DPYSL2: variants seen among roughly 807,000 people sequenced by gnomAD.
DPYSL2 encodes the protein dihydropyrimidinase like 2.
DPYSL2 carries 13 observed loss-of-function variants against 69.9 expected under a neutral mutation model. That is an observed-to-expected ratio of 0.19 (90% CI 0.12 to 0.30). DPYSL2 has a LOEUF of 0.30. Among genes scored for constraint, DPYSL2 ranks in the 10% least tolerant of loss-of-function variants. The pLI is 1.00. For missense variants in DPYSL2, 587 were observed against 918.9 expected (o/e 0.64, Z 4.67); for synonymous variants, 326 against 359.1 (o/e 0.91, Z 1.04).
chr8:26,529,272 CT>C (rs1368875566), intron 1 of DPYSL2, among the ~76,000 whole-genome samples: 37 of 147,700 alleles, frequency 2.5e-4, no homozygotes, highest in African/African-American at 8.8e-4. Context: ...ATCTATCTAT[CT>C]ATCATCTATC....
chr8:26,522,379 G>C (rs766448965), intron 1 of DPYSL2, among the ~76,000 whole-genome samples: 66 of 152,220 alleles, frequency 4.3e-4, no homozygotes, highest in African/African-American at 1.5e-3. Flanking sequence ...AAGTAGAATT[G>C]CTGGTCATGT....
rs775713114 is a variant in DPYSL2, at chr8:26,610,594, G to A, written c.629-13549G>A. Among the ~76,000 whole-genome samples, 15 of 151,888 alleles carry A rather than the reference G, an allele frequency of 9.9e-5. No individual in the cohort carries two copies. The highest frequency in any genetic ancestry group is 1.2e-4 in the Non-Finnish European group (8 of 67,994). On this transcript the variant is annotated intron_variant, in intron 3 of 13. Transcript: ENST00000521913. The surrounding 1 kb of genome is among the most constrained non-coding windows in gnomAD (Gnocchi z 4.5). Reference sequence around the variant, plus strand: ...CCTCCACCCTCCTTCCCTCAATCACGCCTTTATCCAGTCCCTTCCCACGCC... The same window carrying A: ...CCTCCACCCTCCTTCCCTCAATCACACCTTTATCCAGTCCCTTCCCACGCC...
At chr8:26,649,267 T>A (rs1803233849) in intron 11 of DPYSL2, among the ~76,000 whole-genome samples, 1 of 152,252 alleles carries the variant, frequency 6.6e-6, no homozygotes, top group Non-Finnish European at 1.5e-5. Context: ...CCAGACTGCA[T>A]ATGCAGCCTC....
intron 1 of DPYSL2, among the ~76,000 whole-genome samples, chr8:26,578,961 C>T (rs1016221632): frequency 6.6e-6 from 1 of 152,330 alleles, no homozygotes; most frequent in Non-Finnish European, 1.5e-5. Flanking sequence ...GGGTGCCCCC[C>T]CCCCGGTTTT....
intron 1 of DPYSL2, among the ~76,000 whole-genome samples, chr8:26,518,610 C>G (rs1485183177): frequency 6.6e-6 from 1 of 152,166 alleles, no homozygotes; most frequent in African/African-American, 2.4e-5. Context: ...TCTCATTCCA[C>G]CTCTTCCCAG....
intron 1 of DPYSL2, among the ~76,000 whole-genome samples, chr8:26,535,928 G>T (rs868551278): frequency 3.5e-5 from 5 of 143,680 alleles, no homozygotes; most frequent in Non-Finnish European, 7.8e-5. Flanking sequence ...GTGTGTGTGT[G>T]TGTGTGTGTT....
rs1481846997 is a variant in DPYSL2 at position 26,514,320 on chromosome 8, C to T, written c.-6C>T. On this transcript the variant is annotated 5_prime_UTR_variant, in exon 1 of 14. Transcript: ENST00000521913. The surrounding 1 kb of genome is among the most constrained non-coding windows in gnomAD (Gnocchi z 8.4). Reference sequence around the variant, plus strand: ...ACGGCGAGGACCCTACCCGAGCCCCCGAGCCATGGCCGAGAGAAAGCAATC... The same window carrying T: ...ACGGCGAGGACCCTACCCGAGCCCCTGAGCCATGGCCGAGAGAAAGCAATC... 1 of 1,446,390 alleles carries T rather than the reference C, an allele frequency of 6.9e-7. No individual in the cohort carries two copies. The highest frequency in any genetic ancestry group is 9.1e-7 in the Non-Finnish European group (1 of 1,101,624). The allele number at this position is 1,446,390 out of a possible 1,614,324, so 89.6% of individuals were successfully genotyped here. A position where few individuals can be genotyped will look rare whatever the true frequency, so the allele number is the denominator to read the frequency against.
intron 7 of DPYSL2, among the ~76,000 whole-genome samples, chr8:26,629,862 G>A (rs1802719160): frequency 6.6e-6 from 1 of 152,200 alleles, no homozygotes; most frequent in South Asian, 2.1e-4. Flanking sequence ...CTCCCTGAGA[G>A]CTGGGATTAC....
chr8:26,553,842 C>G (rs749296862), intron 1 of DPYSL2, among the ~76,000 whole-genome samples: 40 of 150,984 alleles, frequency 2.6e-4, no homozygotes, highest in Non-Finnish European at 1.8e-4. Flanking sequence ...CTCCCACCAA[C>G]AGTGCACAAG....
chr8:26,629,192 C>T (rs1263007006), intron 7 of DPYSL2, among the ~76,000 whole-genome samples: 5 of 152,082 alleles, frequency 3.3e-5, no homozygotes, highest in African/African-American at 1.2e-4. Context: ...CATGTACACA[C>T]AGACATAGGC....
chr8:26,633,211 G>C (rs1380645032), intron 7 of DPYSL2, among the ~76,000 whole-genome samples: 1 of 152,190 alleles, frequency 6.6e-6, no homozygotes, highest in African/African-American at 2.4e-5. Context: ...GGAGCTATTG[G>C]GGGCAGGGCA....
intron 1 of DPYSL2, among the ~76,000 whole-genome samples, chr8:26,523,574 T>G (rs1224177243): frequency 6.6e-6 from 1 of 152,234 alleles, no homozygotes; most frequent in African/African-American, 2.4e-5. Context: ...AGAGTATGTG[T>G]CTTTTTTTAA....
intron 8 of DPYSL2, among the ~76,000 whole-genome samples, chr8:26,639,041 G>C (rs1041928742): frequency 2.6e-5 from 4 of 152,192 alleles, no homozygotes; most frequent in Admixed American, 1.3e-4. Flanking sequence ...CCCGGGTGCA[G>C]AAACATTCAG....
rs1802453259 is a variant in DPYSL2, at chr8:26,620,373, C to T, written c.629-3770C>T. Among the ~76,000 whole-genome samples the T allele has an allele frequency of 6.6e-6, 1 of 152,156 alleles. No homozygotes were observed. Among genetic ancestry groups the T allele is most frequent in the Non-Finnish European group, 1.5e-5 (1 of 68,038 alleles). On this transcript the variant is annotated intron_variant, in intron 3 of 13. Coordinates refer to ENST00000521913, the MANE Select transcript of DPYSL2 (RefSeq NM_001197293.3). The surrounding 1 kb of genome is among the most constrained non-coding windows in gnomAD (Gnocchi z 4.5). Reference sequence around the variant, plus strand: ...CTGGGTTCAAGTGATTCTCCTGCCTCAGCCTCCTGAGTAGCTGGGATTACA... The same window carrying T: ...CTGGGTTCAAGTGATTCTCCTGCCTTAGCCTCCTGAGTAGCTGGGATTACA...
At chr8:26,577,243 G>A (rs1316319889) in intron 1 of DPYSL2, 1 of 409,612 alleles carries the variant, frequency 2.4e-6, no homozygotes, top group Non-Finnish European at 4.8e-6. Flanking sequence ...CCCGCCCCCA[G>A]GAGCCGGGCC....
At chr8:26,567,075 T>C (rs972364610) in intron 1 of DPYSL2, among the ~76,000 whole-genome samples, 1 of 150,752 alleles carries the variant, frequency 6.6e-6, no homozygotes, top group African/African-American at 2.4e-5. Flanking sequence ...CATCCATTTG[T>C]CCACCCACAC....
At chr8:26,581,373 A>G (rs1191396139) in intron 1 of DPYSL2, among the ~76,000 whole-genome samples, 2 of 147,338 alleles carry the variant, frequency 1.4e-5, no homozygotes, top group Non-Finnish European at 3.0e-5. Context: ...AAAAAGTACT[A>G]TCTTCTTTTT....
At chr8:26,574,721 GT>G (rs1395705904) in intron 1 of DPYSL2, among the ~76,000 whole-genome samples, 1 of 152,168 alleles carries the variant, frequency 6.6e-6, no homozygotes, top group East Asian at 1.9e-4. Context: ...TTCATTGAGT[GT>G]TTTTCTACAG....
intron 8 of DPYSL2, among the ~76,000 whole-genome samples, chr8:26,639,083 T>C (rs1802984263): frequency 6.6e-6 from 1 of 152,176 alleles, no homozygotes; most frequent in African/African-American, 2.4e-5. Context: ...CAATTTGAGA[T>C]AAGACCTCTT....
Sources: allele counts gnomAD v4.1 joint callset (sites outside exome capture counted in the v4.1 genomes callset), GRCh38; gene constraint gnomAD v4.1.1; non-coding constraint Gnocchi (gnomAD v3.1); transcripts MANE v1.5; gene names NCBI Gene and HGNC (gene_info 2026-07-23, HGNC 2026-07-21).